Variants in PRKCZ observed in about 807,000 individuals in gnomAD.
PRKCZ encodes the protein protein kinase C zeta, also known as protein kinase C zeta type.
A neutral mutation model predicts 79.5 loss-of-function variants in PRKCZ; 33 were observed. The observed-to-expected ratio is 0.41, with a 90% CI of 0.31 to 0.55. The LOEUF is 0.55. Ranked by LOEUF, PRKCZ falls within the 20% of genes least tolerant of loss-of-function variation. The pLI is 0.19. For missense variants in PRKCZ, 578 were observed against 813.5 expected (o/e 0.71, Z 3.52); for synonymous variants, 342 against 320.9 (o/e 1.07, Z -0.70).
At chr1:2,154,870 C>T (rs1460942651) in intron 9 of PRKCZ, among the ~76,000 whole-genome samples, 1 of 152,212 alleles carries the variant, frequency 6.6e-6, no homozygotes, top group African/African-American at 2.4e-5. Context: ...GGGTGACAGT[C>T]CTATGGCTGA....
intron 4 of PRKCZ, among the ~76,000 whole-genome samples, chr1:2,100,552 A>G (rs1384275749): frequency 6.6e-6 from 1 of 152,188 alleles, no homozygotes; most frequent in Non-Finnish European, 1.5e-5. Context: ...CTGATACAGG[A>G]ACTTATGGGT....
chr1:2,184,214 C>G, intron 16 of PRKCZ: 1 of 261,816 alleles, frequency 3.8e-6, no homozygotes, highest in South Asian at 4.1e-5. Flanking sequence ...GGTCCTACAC[C>G]TTTATGGTCA....
At chr1:2,110,618 C>A (rs1669539650) in intron 4 of PRKCZ, among the ~76,000 whole-genome samples, 1 of 152,202 alleles carries the variant, frequency 6.6e-6, no homozygotes, top group African/African-American at 2.4e-5. Flanking sequence ...GGGCCCTCGA[C>A]ACCCTTGGGT....
intron 4 of PRKCZ, among the ~76,000 whole-genome samples, chr1:2,069,734 G>A (rs756419873): frequency 1.8e-4 from 27 of 152,170 alleles, no homozygotes; most frequent in Admixed American, 3.9e-4. Flanking sequence ...GGGGCTTCCT[G>A]TTTCTAGATG....
At chr1:2,138,953 T>C (rs1676774038) in intron 5 of PRKCZ, among the ~76,000 whole-genome samples, 1 of 152,088 alleles carries the variant, frequency 6.6e-6, no homozygotes, top group South Asian at 2.1e-4. Flanking sequence ...CTAGAAGCTG[T>C]GCAGATCTCT....
At position 2,127,836 on chromosome 1, in the gene PRKCZ, G is replaced by C. The variant is rs1674245400; in HGVS notation, c.335-7426G>C. On this transcript the variant is annotated intron_variant, in intron 4 of 17. Coordinates refer to ENST00000378567, the MANE Select transcript of PRKCZ (RefSeq NM_002744.6). The surrounding 1 kb of genome is among the most constrained non-coding windows in gnomAD (Gnocchi z 5.1). ...TGGCCAACCAGGCTGAGTCAGGTGA[G>C]GTGGGGAGTCCCACCCCAAACCCCA... 1.3e-5 allele frequency among the ~76,000 whole-genome samples: 2 copies of C among 152,244 alleles called. No homozygotes were observed. Among genetic ancestry groups the C allele is most frequent in the Non-Finnish European group, 2.9e-5 (2 of 68,044 alleles).
At chr1:2,102,825 G>A (rs1376456837) in intron 4 of PRKCZ, among the ~76,000 whole-genome samples, 1 of 152,108 alleles carries the variant, frequency 6.6e-6, no homozygotes, top group Non-Finnish European at 1.5e-5. Flanking sequence ...CCTAGGGGCT[G>A]GAGGGGCCTT....
At chr1:2,091,684 C>T (rs118009732) in intron 4 of PRKCZ, among the ~76,000 whole-genome samples, 3 of 152,230 alleles carry the variant, frequency 2.0e-5, no homozygotes, top group South Asian at 2.1e-4. Context: ...GTCCTTTGCC[C>T]GTTTTGTAAT....
intron 4 of PRKCZ, among the ~76,000 whole-genome samples, chr1:2,061,013 A>C (rs993752422): frequency 6.6e-6 from 1 of 152,198 alleles, no homozygotes; most frequent in African/African-American, 2.4e-5. Context: ...AATAGGACAG[A>C]TACTCCCTGT....
Position 2,149,492 on chromosome 1 carries a change from C to T in PRKCZ, c.687+568C>T, listed in dbSNP as rs751258385. Among the ~76,000 whole-genome samples, 1 of 152,150 alleles carries T rather than the reference C, an allele frequency of 6.6e-6. No homozygotes were observed. Reference sequence around the variant, plus strand: ...CGAAGCCCACTCCTTTCCAGAGCACCAACAAGTGTCACCCTCACAACTCGT... The same window carrying T: ...CGAAGCCCACTCCTTTCCAGAGCACTAACAAGTGTCACCCTCACAACTCGT... On this transcript the variant is annotated intron_variant, in intron 8 of 17. Transcript: ENST00000378567. The surrounding 1 kb of genome is among the most constrained non-coding windows in gnomAD (Gnocchi z 4.1).
chr1:2,096,371 C>T (rs1666512868), intron 4 of PRKCZ, among the ~76,000 whole-genome samples: 1 of 151,860 alleles, frequency 6.6e-6, no homozygotes, highest in South Asian at 2.1e-4. Context: ...CAGCTGGGAG[C>T]ACAGGTGTCG....
chr1:2,092,860 C>T (rs1398292704), intron 4 of PRKCZ, among the ~76,000 whole-genome samples: 1 of 152,180 alleles, frequency 6.6e-6, no homozygotes, highest in Non-Finnish European at 1.5e-5. Flanking sequence ...GGCCTCAGAT[C>T]ACCACACAGT....
Position 2,144,293 on chromosome 1 carries a change from C to T in PRKCZ, c.504C>T (p.Val168=), listed in dbSNP as rs753878714. 2 of 1,569,780 alleles carry T rather than the reference C, an allele frequency of 1.3e-6. No homozygotes were observed. The highest frequency in any genetic ancestry group is 3.3e-4 in the Middle Eastern group (2 of 6,002). ...GGTGCATCAACTGCAAACTGCTGGT[C>T]CATAAGCGCTGCCACGGCCTCGTCC... ...GYRCINCKLL[V]HKRCHGLVPL... Residue 168 remains valine (V), a synonymous_variant, in exon 6 of 18, where the codon GTC becomes GTT. Coordinates refer to ENST00000378567, the MANE Select transcript of PRKCZ (RefSeq NM_002744.6).
intron 10 of PRKCZ, among the ~76,000 whole-genome samples, chr1:2,167,601 T>C (rs1413900665): frequency 6.6e-6 from 1 of 152,140 alleles, no homozygotes; most frequent in African/African-American, 2.4e-5. Flanking sequence ...TGTGGTTTTT[T>C]GTATTTTTAT....
At position 2,113,747 on chromosome 1, in the gene PRKCZ, A is replaced by G. The variant is rs536879861; in HGVS notation, c.335-21515A>G. 2.6e-5 allele frequency among the ~76,000 whole-genome samples: 4 copies of G among 152,226 alleles called. No individual in the cohort carries two copies. In the South Asian group the frequency reaches 6.2e-4, roughly 24 times the overall value. Reference sequence around the variant, plus strand: ...GGGGGGTGGGTGAGAGTTGGGGCACAGAGGACTCATGGGGCAGAGGCTGTG... The same window carrying G: ...GGGGGGTGGGTGAGAGTTGGGGCACGGAGGACTCATGGGGCAGAGGCTGTG... On this transcript the variant is annotated intron_variant, in intron 4 of 17. Coordinates refer to ENST00000378567, the MANE Select transcript of PRKCZ (RefSeq NM_002744.6).
chr1:2,143,131 C>G (rs1239959438), intron 5 of PRKCZ: 3 of 151,598 alleles, frequency 2.0e-5, no homozygotes, highest in Non-Finnish European at 4.4e-5. Context: ...GGGGTTCACG[C>G]CATTCTCCTG....
At chr1:2,155,177 CGTG>C (rs547136433) in intron 9 of PRKCZ, among the ~76,000 whole-genome samples, 360 of 150,810 alleles carry the variant, frequency 2.4e-3, no homozygotes, top group Middle Eastern at 3.5e-3. Context: ...GTGGTGATGA[CGTG>C]GTGGTGGTGA....
chr1:2,085,125 G>A lies in PRKCZ; in HGVS notation c.334+25534G>A, dbSNP rs887347357. 4.6e-5 allele frequency among the ~76,000 whole-genome samples: 7 copies of A among 152,192 alleles called. No individual in the cohort carries two copies. The South Asian group carries it at 1.4e-3, about 32-fold the overall frequency. On this transcript the variant is annotated intron_variant, in intron 4 of 17. Coordinates refer to ENST00000378567, the MANE Select transcript of PRKCZ (RefSeq NM_002744.6). ...CCTCCCTGTGGCTCTGCGGGTAGGG[G>A]GCGATTCCTCTGTCAGCTGGGTGAG...
At chr1:2,117,061 C>T (rs529336252) in intron 4 of PRKCZ, among the ~76,000 whole-genome samples, 1 of 152,028 alleles carries the variant, frequency 6.6e-6, no homozygotes, top group Non-Finnish European at 1.5e-5. Context: ...GCAATCCTCC[C>T]ACCTCAGCCT....
Sources: allele counts gnomAD v4.1 joint callset (sites outside exome capture counted in the v4.1 genomes callset), GRCh38; gene constraint gnomAD v4.1.1; non-coding constraint Gnocchi (gnomAD v3.1); transcripts MANE v1.5; gene names NCBI Gene and HGNC (gene_info 2026-07-23, HGNC 2026-07-21).